The following CLEC7A variants were observed in gnomAD, a reference collection of about 807,000 sequenced individuals.
The protein encoded by CLEC7A is C-type lectin domain containing 7A, also known as C-type lectin domain family 7 member A.
Under a neutral mutation model 26.9 loss-of-function variants are expected in CLEC7A, and 25 were observed. That is an observed-to-expected ratio of 0.93 (90% CI 0.68 to 1.30). CLEC7A has a LOEUF of 1.30. CLEC7A is among the 50% of genes most tolerant of loss of function. CLEC7A has a pLI of 0.00. For synonymous variants in CLEC7A, 100 were observed against 99.5 expected, an observed-to-expected ratio of 1.01 and a Z score of -0.03; for missense variants, 275 against 286.7, an observed-to-expected ratio of 0.96 and a Z score of 0.29.
intron 2 of CLEC7A, 128 bp from the exon 3 acceptor site, chr12:10,126,836 A>C (rs894715938): frequency 3.9e-6 from 3 of 772,790 alleles, no homozygotes; most frequent in African/African-American, 1.8e-5. Context: ...TAAATAGATG[A>C]TATATTGCTG....
Position 10,123,392 on chromosome 12 carries a change from TAAAG to T in CLEC7A, c.493-33_493-30del, listed in dbSNP as rs750161794. 197 of 1,179,430 alleles carry T rather than the reference TAAAG, an allele frequency of 1.7e-4. No individual in the cohort carries two copies. The Middle Eastern group carries it at 2.1e-3, about 13-fold the overall frequency. 73.1% of individuals were successfully genotyped at this position (1,179,430 alleles called of 1,614,324 possible). A position where few individuals can be genotyped will look rare whatever the true frequency, so the allele number is the denominator to read the frequency against. ...TAATGAAACATATACAAATATATAA[TAAAG>T]AGAGAGAGAGAGAGAGAAAGAAACT... On this transcript the variant is annotated intron_variant, in intron 4 of 5. Coordinates refer to ENST00000304084, the MANE Select transcript of CLEC7A (RefSeq NM_197947.3).
In CLEC7A at chr12:10,118,528, A is replaced by C. The variant is rs543022264; in HGVS notation, c.674T>G (p.Val225Gly). ...NPSPNCVWIH[V>G]SVIYDQLCSV... Reference sequence around the variant, plus strand: ...ACACAGTTGGTCATAAATGACTGACACGTGAATCCATACACAATTTGGAGA... The same window carrying C: ...ACACAGTTGGTCATAAATGACTGACCCGTGAATCCATACACAATTTGGAGA... Residue 225 changes from valine to glycine, a missense_variant, in exon 6 of 6, where the codon GTG (valine) becomes GGG (glycine). Physicochemically the swap from Val to Gly is moderately radical, Grantham distance 109. Coordinates refer to ENST00000304084, the MANE Select transcript of CLEC7A (RefSeq NM_197947.3). 1 of 1,612,766 alleles carries C rather than the reference A, an allele frequency of 6.2e-7. No homozygotes were observed. The highest frequency in any genetic ancestry group is 8.5e-7 in the Non-Finnish European group (1 of 1,178,728).
At chr12:10,127,608 G>T (rs1591961820) in intron 2 of CLEC7A, 139 bp downstream of exon 2, 1 of 923,352 alleles carries the variant, frequency 1.1e-6, no homozygotes, top group Non-Finnish European at 1.8e-6. Context: ...GGCATTAACA[G>T]CACCAACCCA....
chr12:10,128,048 CA>C (rs35949285), intron 1 of CLEC7A, among the ~76,000 whole-genome samples: 23 of 136,414 alleles, frequency 1.7e-4, no homozygotes, highest in East Asian at 4.3e-4. Context: ...CTGTCCCTAC[CA>C]AAAAAAAAAA....
chr12:10,125,590 G>T (rs112313622), intron 3 of CLEC7A, 142 bp from the exon 4 acceptor site: 5 of 611,462 alleles, frequency 8.2e-6, no homozygotes, highest in Non-Finnish European at 1.3e-5. Context: ...GAACTACAGG[G>T]ATATGATTTT....
rs763268770 is a variant in CLEC7A at position 10,123,229 on chromosome 12, C to T, written c.611+16G>A. The T allele has an allele frequency of 1.3e-6, 2 of 1,484,786 alleles. No individual in the cohort carries two copies. The highest frequency in any genetic ancestry group is 1.9e-6 in the Non-Finnish European group (2 of 1,062,828). 92.0% of individuals were successfully genotyped at this position (1,484,786 alleles called of 1,614,324 possible). A position where few individuals can be genotyped will look rare whatever the true frequency, so the allele number is the denominator to read the frequency against. ...TCTGAGAAAAAGGATGAAGCATTGT[C>T]TCTCCAAACACTTACAAGTTAGAAG... On this transcript the variant is annotated intron_variant, in intron 5 of 5. Coordinates refer to ENST00000304084, the MANE Select transcript of CLEC7A (RefSeq NM_197947.3).
At chr12:10,122,472 C>CTTTCTTTT (rs2050419889) in intron 5 of CLEC7A, among the ~76,000 whole-genome samples, 30 of 141,588 alleles carry the variant, frequency 2.1e-4, no homozygotes, top group African/African-American at 8.1e-4. Flanking sequence ...GGAAAGCACT[C>CTTTCTTTT]TTTCTTTTTT....
rs1243966870 is a variant in CLEC7A, at chr12:10,123,344, A to C, written c.512T>G (p.Val171Gly). 1.3e-6 allele frequency: 2 copies of C among 1,596,670 alleles called. No individual in the cohort carries two copies. Among genetic ancestry groups the C allele is most frequent in the Non-Finnish European group, 1.7e-6 (2 of 1,164,042 alleles). The stretch of plus-strand genomic sequence containing the variant: ...AAATGAATTATCAGGTTGGGAAGAC[A>C]CTTGTTTTACTATAAATCCCTGTAA... Reference protein sequence around the residue: ...SNELGFIVKQVSSQPDNSFWI... With the variant: ...SNELGFIVKQGSSQPDNSFWI... The change falls in exon 5 of 6, where the codon GTG becomes GGG. Residue 171 changes from valine (V) to glycine (G), a missense_variant. Transcript: ENST00000304084.
At chr12:10,122,088 AT>A (rs1289135169) in intron 5 of CLEC7A, among the ~76,000 whole-genome samples, 1 of 152,226 alleles carries the variant, frequency 6.6e-6, no homozygotes, top group Non-Finnish European at 1.5e-5. Context: ...GAAAGAAATA[AT>A]AAAAAGACAG....
chr12:10,122,208 G>A (rs1272804762), intron 5 of CLEC7A, among the ~76,000 whole-genome samples: 1 of 149,734 alleles, frequency 6.7e-6, no homozygotes, highest in Non-Finnish European at 1.5e-5. Context: ...CTAATAATAA[G>A]AACTTAAAAG....
intron 4 of CLEC7A, 36 bp downstream of exon 4, chr12:10,125,261 A>C (rs761591534): frequency 1.3e-6 from 2 of 1,588,108 alleles, no homozygotes; most frequent in Non-Finnish European, 1.7e-6. Flanking sequence ...TTCAGGATAC[A>C]CACCACAGAT....
chr12:10,127,026 G>A (rs1235107807), intron 2 of CLEC7A: 2 of 1,394,870 alleles, frequency 1.4e-6, no homozygotes, highest in Admixed American at 4.5e-5. Flanking sequence ...ATTTGAAATA[G>A]CAACATCTTT....
chr12:10,129,852 A>C, intron 1 of CLEC7A, 128 bp downstream of exon 1: 1 of 541,348 alleles, frequency 1.8e-6, no homozygotes, highest in Non-Finnish European at 3.4e-6. Context: ...TCCTGACCTC[A>C]GTCAATCCAC....
chr12:10,127,007 C>G (rs1278801828), intron 2 of CLEC7A: 1 of 1,388,140 alleles, frequency 7.2e-7, no homozygotes, highest in Non-Finnish European at 9.5e-7. Context: ...TCAATTGGAC[C>G]CATGACAGAT....
chr12:10,128,062 A>G (rs1230911407), intron 1 of CLEC7A, among the ~76,000 whole-genome samples: 3 of 106,012 alleles, frequency 2.8e-5, no homozygotes, highest in African/African-American at 8.2e-5. Context: ...AAAAAAAAAG[A>G]AAAACAAAGA....
intron 1 of CLEC7A, among the ~76,000 whole-genome samples, chr12:10,128,229 CA>C (rs1948368133): frequency 1.4e-5 from 2 of 145,330 alleles, no homozygotes; most frequent in African/African-American, 5.7e-5. Flanking sequence ...CACACACACA[CA>C]CACACACACA....
chr12:10,124,319 T>C (rs529230060), intron 4 of CLEC7A, among the ~76,000 whole-genome samples: 12 of 152,162 alleles, frequency 7.9e-5, no homozygotes, highest in Non-Finnish European at 1.8e-4. Context: ...ATAGTGAAAG[T>C]AGGTGTAGAA....
rs1253786897 is a variant in CLEC7A, at chr12:10,129,998, C to G, written c.85G>C (p.Ala29Pro). The G allele has an allele frequency of 6.2e-7, 1 of 1,603,532 alleles. No individual in the cohort carries two copies. The highest frequency in any genetic ancestry group is 1.7e-5 in the Admixed American group (1 of 59,966). ...TATATACCTTTCTCTGAAACAACAGCTATCCTGGTATTGCTTTGAGAGTCG... is the reference window on the plus strand; with the variant it reads ...TATATACCTTTCTCTGAAACAACAGGTATCCTGGTATTGCTTTGAGAGTCG... ...HFDSQSNTRI[A>P]VVSEKGSCAA... is the part of the protein sequence containing the mutation. The change falls in exon 1 of 6, where the codon GCT becomes CCT. Residue 29 changes from alanine to proline, a missense_variant. By Grantham distance (27) the Ala-to-Pro change is conservative. Coordinates refer to ENST00000304084, the MANE Select transcript of CLEC7A (RefSeq NM_197947.3).
In CLEC7A at chr12:10,118,294, G is replaced by A; in HGVS notation, c.*164C>T. The A allele has an allele frequency of 1.6e-6, 1 of 624,194 alleles. No individual in the cohort carries two copies. Among genetic ancestry groups the A allele is most frequent in the Non-Finnish European group, 2.7e-6 (1 of 373,586 alleles). The allele number at this position is 624,194 out of a possible 1,614,324, so 38.7% of individuals were successfully genotyped here. A position where few individuals can be genotyped will look rare whatever the true frequency, so the allele number is the denominator to read the frequency against. ...GCCTACCTGTAGGTCGACAAATACA[G>A]AAATCACAGCCTCTCCCTTCAATTT... On this transcript the variant is annotated 3_prime_UTR_variant, in exon 6 of 6. Coordinates refer to ENST00000304084, the MANE Select transcript of CLEC7A (RefSeq NM_197947.3).
Sources: allele counts gnomAD v4.1 joint callset (sites outside exome capture counted in the v4.1 genomes callset), GRCh38; gene constraint gnomAD v4.1.1; transcripts MANE v1.5; gene names NCBI Gene and HGNC (gene_info 2026-07-23, HGNC 2026-07-21).